Variants in KLF12 observed in about 807,000 individuals in gnomAD.
The protein encoded by KLF12 is Krueppel-like factor 12.
In KLF12, 9 loss-of-function variants were observed where a neutral mutation model predicts 37.8. The observed-to-expected ratio is 0.24, with a 90% CI of 0.14 to 0.42. The LOEUF is 0.42. KLF12 is among the 10% of genes least tolerant of loss of function. KLF12 has a pLI of 1.00. For synonymous variants in KLF12, 208 were observed against 202.1 expected (o/e 1.03, Z -0.25); for missense variants, 411 against 516.0 (o/e 0.80, Z 1.97).
intron 5 of KLF12, among the ~76,000 whole-genome samples, chr13:73,780,473 T>G: frequency 3.7e-5 from 1 of 27,000 alleles, no homozygotes. Context: ...AAGGAATGGT[T>G]TTTTTTTTTT....
rs147804029 is a variant in KLF12 at position 73,846,338 on chromosome 13, G to A, written c.159C>T (p.Ala53=). The change falls in exon 4 of 8, where the codon GCC becomes GCT. Residue 53 remains alanine (A), a synonymous_variant. Coordinates refer to ENST00000377669, the MANE Select transcript of KLF12 (RefSeq NM_007249.5). The stretch of plus-strand genomic sequence containing the variant: ...TCACATTATTTAGCAACAGGGGAAC[G>A]GCTTCCATATCGGGATAGTTGTGGA... 20 of 1,613,672 alleles carry A rather than the reference G, an allele frequency of 1.2e-5. No individual in the cohort carries two copies. Among genetic ancestry groups the A allele is most frequent in the African/African-American group, 8.0e-5 (6 of 75,024 alleles).
chr13:74,029,512 T>C (rs1047188052), intron 1 of KLF12, among the ~76,000 whole-genome samples: 1 of 152,146 alleles, frequency 6.6e-6, no homozygotes, highest in Non-Finnish European at 1.5e-5. Flanking sequence ...AATAATTTGG[T>C]AGAATATACT....
chr13:73,731,848 A>C (rs1389273737), intron 6 of KLF12, among the ~76,000 whole-genome samples: 4 of 152,212 alleles, frequency 2.6e-5, no homozygotes, highest in Non-Finnish European at 5.9e-5. Context: ...ATGTGAGTTC[A>C]GGACTATCAG....
the KLF12 span, among the ~76,000 whole-genome samples, chr13:74,186,927 A>G: frequency 6.6e-6 from 1 of 152,210 alleles, no homozygotes; most frequent in Non-Finnish European, 1.5e-5. Context: ...TTAGCTAACA[A>G]GTCTCGTGCT....
chr13:74,240,008 C>T, the KLF12 span, among the ~76,000 whole-genome samples: 6 of 151,080 alleles, frequency 4.0e-5, no homozygotes, highest in Non-Finnish European at 7.4e-5. Context: ...GGTTATTTTG[C>T]TCGTTAGTTG....
chr13:73,732,145 G>A (rs1228988825), intron 6 of KLF12, among the ~76,000 whole-genome samples: 15 of 148,828 alleles, frequency 1.0e-4, no homozygotes, highest in Admixed American at 6.7e-4. Flanking sequence ...GTGCAGTGGC[G>A]TGATCTCGAC....
chr13:74,110,118 T>C (rs77947071), intron 1 of KLF12, among the ~76,000 whole-genome samples: 169 of 152,354 alleles, frequency 1.1e-3, no homozygotes, highest in African/African-American at 3.9e-3. Flanking sequence ...CATGTTTCTC[T>C]GTAGGCTTAA....
intron 1 of KLF12, among the ~76,000 whole-genome samples, chr13:74,051,000 C>A (rs1872886072): frequency 6.6e-6 from 1 of 152,148 alleles, no homozygotes; most frequent in African/African-American, 2.4e-5. Context: ...CATCTCACAG[C>A]TGTTAGAATG....
At chr13:73,715,950 G>C (rs528478657) in intron 6 of KLF12, among the ~76,000 whole-genome samples, 1 of 152,278 alleles carries the variant, frequency 6.6e-6, no homozygotes, top group African/African-American at 2.4e-5. Flanking sequence ...TAACAAGAGG[G>C]TCTGCACTGC....
intron 2 of KLF12, among the ~76,000 whole-genome samples, chr13:73,963,549 G>A (rs1474369842): frequency 6.6e-6 from 1 of 152,152 alleles, no homozygotes; most frequent in Non-Finnish European, 1.5e-5. Flanking sequence ...ATTAGGACAA[G>A]TCATTCAACA....
At chr13:73,705,657 C>T (rs548988372) in intron 7 of KLF12, among the ~76,000 whole-genome samples, 58 of 151,644 alleles carry the variant, frequency 3.8e-4, no homozygotes, top group African/African-American at 1.4e-3. Context: ...ATTAAAACCA[C>T]AAATTTTATA....
At chr13:74,083,856 G>T (rs1875087939) in intron 1 of KLF12, among the ~76,000 whole-genome samples, 1 of 152,154 alleles carries the variant, frequency 6.6e-6, no homozygotes, top group African/African-American at 2.4e-5. Flanking sequence ...AAAATAAAAA[G>T]TAATTCATTT....
intron 4 of KLF12, among the ~76,000 whole-genome samples, chr13:73,839,425 G>C (rs1176730497): frequency 6.6e-6 from 1 of 151,788 alleles, no homozygotes; most frequent in Non-Finnish European, 1.5e-5. Flanking sequence ...TATGTATCTT[G>C]AATTTCTAAA....
the KLF12 span, among the ~76,000 whole-genome samples, chr13:74,270,725 G>A: frequency 1.9e-3 from 289 of 152,274 alleles, 1 homozygote; most frequent in African/African-American, 6.5e-3. Flanking sequence ...ATTGTAGCTG[G>A]TTGGGTAGAT....
At chr13:74,003,897 A>T (rs916729767) in intron 1 of KLF12, among the ~76,000 whole-genome samples, 3 of 152,186 alleles carry the variant, frequency 2.0e-5, no homozygotes, top group African/African-American at 4.8e-5. Flanking sequence ...GCATTTTCAA[A>T]AGTAATCCCA....
At chr13:74,030,515 A>T (rs1893087082) in intron 1 of KLF12, among the ~76,000 whole-genome samples, 1 of 152,090 alleles carries the variant, frequency 6.6e-6, no homozygotes, top group Non-Finnish European at 1.5e-5. Flanking sequence ...AAATACCTAG[A>T]TGAAGATGTC....
At chr13:74,106,872 A>G (rs1876677330) in intron 1 of KLF12, among the ~76,000 whole-genome samples, 1 of 152,168 alleles carries the variant, frequency 6.6e-6, no homozygotes, top group South Asian at 2.1e-4. Context: ...TCTTGGTAAG[A>G]AAGTCAGGTC....
chr13:74,066,687 C>T (rs192155883), intron 1 of KLF12, among the ~76,000 whole-genome samples: 131 of 152,002 alleles, frequency 8.6e-4, no homozygotes, highest in Admixed American at 1.4e-3. Context: ...AATAAAACAC[C>T]AAGAATAATC....
chr13:74,113,664 G>A (rs1052709203), intron 1 of KLF12, among the ~76,000 whole-genome samples: 1 of 152,176 alleles, frequency 6.6e-6, no homozygotes, highest in African/African-American at 2.4e-5. Flanking sequence ...CTCTGACACA[G>A]ACGTATGTAG....
Sources: gnomAD v4.1 joint callset for allele counts (sites outside exome capture counted in the v4.1 genomes callset) on GRCh38, gnomAD v4.1.1 for gene constraint, MANE v1.5 for transcripts, NCBI Gene and HGNC (gene_info 2026-07-23, HGNC 2026-07-21) for gene names.